AVEN: variants seen among roughly 807,000 people sequenced by gnomAD.
AVEN encodes apoptosis and caspase activation inhibitor.
Under a neutral mutation model 38.1 loss-of-function variants are expected in AVEN, and 41 were observed. That is an observed-to-expected ratio of 1.08 (90% CI 0.84 to 1.40). The LOEUF is 1.40. AVEN is among the 40% of genes most tolerant of loss of function. AVEN has a pLI of 0.00. For synonymous variants in AVEN, 206 were observed against 171.8 expected, an observed-to-expected ratio of 1.20 and a Z score of -1.56; for missense variants, 605 against 438.8, an observed-to-expected ratio of 1.38 and a Z score of -3.38.
At chr15:33,863,715 T>G (rs1253635605), downstream of AVEN, among the ~76,000 whole-genome samples, 1 of 152,158 alleles carries the variant, frequency 6.6e-6, no homozygotes. Flanking sequence ...AACTTTTCCA[T>G]GACAGATATT....
chr15:33,906,211 T>C (rs1892694156), intron 2 of AVEN, among the ~76,000 whole-genome samples: 1 of 151,858 alleles, frequency 6.6e-6, no homozygotes, highest in African/African-American at 2.4e-5. Context: ...GAGGGAGGGG[T>C]AGGGAAGGCA....
At chr15:34,029,484 C>T (rs1438079956) in intron 1 of AVEN, among the ~76,000 whole-genome samples, 5 of 132,058 alleles carry the variant, frequency 3.8e-5, no homozygotes, top group Non-Finnish European at 6.1e-5. Context: ...AGTTCAAGAC[C>T]AGCCTGGGCA....
chr15:34,004,314 T>G (rs567325149), intron 1 of AVEN, among the ~76,000 whole-genome samples: 1 of 152,002 alleles, frequency 6.6e-6, no homozygotes, highest in East Asian at 1.9e-4. Context: ...TGCAGAAAGA[T>G]GCACAATGTG....
rs144094691 is a variant in AVEN at position 33,916,708 on chromosome 15, T to C, written c.446-40713A>G. ...ATAATAAATGTTGGCATGGATGTGG[T>C]GAAAAGGGAACACTTTTACACTGCT... On this transcript the variant is annotated intron_variant, in intron 2 of 5. Transcript: ENST00000306730. 9.1e-4 allele frequency among the ~76,000 whole-genome samples: 138 copies of C among 152,126 alleles called. 4 individuals carry two copies. The East Asian group carries it at 0.024, about 26-fold the overall frequency.
At chr15:33,961,982 G>C (rs1321613818) in intron 2 of AVEN, among the ~76,000 whole-genome samples, 3 of 152,002 alleles carry the variant, frequency 2.0e-5, no homozygotes, top group Middle Eastern at 3.2e-3. Flanking sequence ...AACCAGGTTT[G>C]GGGGGCAGAG....
At chr15:33,969,724 C>T (rs114819362) in intron 2 of AVEN, among the ~76,000 whole-genome samples, 2,211 of 152,072 alleles carry the variant, frequency 0.015, 52 homozygotes, top group African/African-American at 0.05. Flanking sequence ...AGATACTAGA[C>T]ATTTTTATAA....
intron 2 of AVEN, among the ~76,000 whole-genome samples, chr15:33,979,640 A>C (rs1896048164): frequency 1.3e-5 from 2 of 152,152 alleles, no homozygotes; most frequent in South Asian, 4.1e-4. Flanking sequence ...AAAGATTTGG[A>C]CCAAATGTTA....
chr15:33,954,725 C>G (rs1377510195), intron 2 of AVEN, among the ~76,000 whole-genome samples: 4 of 152,026 alleles, frequency 2.6e-5, no homozygotes, highest in Admixed American at 1.3e-4. Flanking sequence ...ATGGGTGCAG[C>G]ACACCAACAT....
intron 2 of AVEN, among the ~76,000 whole-genome samples, chr15:33,922,212 G>A (rs1047325483): frequency 1.3e-5 from 2 of 152,120 alleles, no homozygotes; most frequent in African/African-American, 2.4e-5. Context: ...AGTACAAAGC[G>A]AAAATGATTC....
At chr15:33,932,762 T>C (rs764444287) in intron 2 of AVEN, among the ~76,000 whole-genome samples, 6 of 151,762 alleles carry the variant, frequency 4.0e-5, no homozygotes, top group Non-Finnish European at 7.4e-5. Flanking sequence ...GAGATGGAGG[T>C]TGCAGTGAGC....
chr15:33,976,006 C>G (rs1239905584), intron 2 of AVEN, among the ~76,000 whole-genome samples: 1 of 152,136 alleles, frequency 6.6e-6, no homozygotes, highest in Non-Finnish European at 1.5e-5. Context: ...AACATTATAC[C>G]AAACACTGGA....
chr15:33,886,373 G>A (rs1891702083), intron 2 of AVEN, among the ~76,000 whole-genome samples: 1 of 152,164 alleles, frequency 6.6e-6, no homozygotes, highest in South Asian at 2.1e-4. Flanking sequence ...CACTATCTCA[G>A]CTCACTGCAA....
At chr15:33,861,114 T>C (rs1470328443) in intron 11 of AVEN, 4 of 1,597,348 alleles carry the variant, frequency 2.5e-6, no homozygotes, top group Non-Finnish European at 3.4e-6. Flanking sequence ...CAATGACTAC[T>C]TTGACACAAC....
chr15:33,982,157 A>C (rs1054171640), intron 2 of AVEN, among the ~76,000 whole-genome samples: 2 of 151,900 alleles, frequency 1.3e-5, no homozygotes, highest in African/African-American at 4.8e-5. Flanking sequence ...ATGAACCACC[A>C]CACCCAGCAC....
intron 1 of AVEN, among the ~76,000 whole-genome samples, chr15:34,032,017 GCACACGCACACACACA>G (rs1204271258): frequency 2.4e-5 from 2 of 84,870 alleles, no homozygotes; most frequent in Non-Finnish European, 6.3e-5. Context: ...ACATACGCGC[GCACACGCACACACACA>G]CACACACAGG....
intron 2 of AVEN, among the ~76,000 whole-genome samples, chr15:33,946,732 G>A (rs774676549): frequency 1.2e-4 from 19 of 152,200 alleles, no homozygotes; most frequent in Non-Finnish European, 2.6e-4. Flanking sequence ...AGAGCAGCAG[G>A]TGCACATACC....
intron 2 of AVEN, among the ~76,000 whole-genome samples, chr15:33,948,858 G>T (rs1022355312): frequency 6.6e-6 from 1 of 151,942 alleles, no homozygotes; most frequent in Non-Finnish European, 1.5e-5. Flanking sequence ...TTTTTATCGA[G>T]ACAGGGGATT....
At position 33,871,032 on chromosome 15, in the gene AVEN, T is replaced by A; in HGVS notation, c.517-2A>T. On this transcript the variant is annotated splice_acceptor_variant, in intron 3 of 5. Coordinates refer to ENST00000306730, the MANE Select transcript of AVEN (RefSeq NM_020371.3). LOFTEE classifies it high-confidence loss of function. ...ACTATCCACATAAAATGCTGAATTCTATATATATATATAAAAGAAAATAAA... is the reference window on the plus strand; with the variant it reads ...ACTATCCACATAAAATGCTGAATTCAATATATATATATAAAAGAAAATAAA... 7.4e-7 allele frequency: 1 copy of A among 1,351,758 alleles called. No individual in the cohort carries two copies. The highest frequency in any genetic ancestry group is 9.8e-7 in the Non-Finnish European group (1 of 1,015,290). 83.7% of individuals were successfully genotyped at this position (1,351,758 alleles called of 1,614,324 possible).
chr15:33,950,232 G>A (rs1894685934), intron 2 of AVEN, among the ~76,000 whole-genome samples: 1 of 152,168 alleles, frequency 6.6e-6, no homozygotes, highest in African/African-American at 2.4e-5. Flanking sequence ...GGAGATGCTG[G>A]TCAAAGGGTA....
Sources: allele counts gnomAD v4.1 joint callset (sites outside exome capture counted in the v4.1 genomes callset), GRCh38; gene constraint gnomAD v4.1.1; transcripts MANE v1.5; gene names NCBI Gene and HGNC (gene_info 2026-07-23, HGNC 2026-07-21).